Variants in TRPM2 observed in about 807,000 individuals in gnomAD.
The protein encoded by TRPM2 is estrogen-responsive element-associated gene 1 protein.
Under a neutral mutation model 174.0 loss-of-function variants are expected in TRPM2, and 161 were observed. That is an observed-to-expected ratio of 0.93 (90% CI 0.81 to 1.05). The LOEUF is 1.05. TRPM2 is among the 50% of genes least tolerant of loss of function. The probability of loss-of-function intolerance (pLI) is 0.00; values close to 1 mark genes in which losing one functional copy is unlikely to be tolerated. For synonymous variants in TRPM2, 954 were observed against 861.3 expected (o/e 1.11, Z -1.88); for missense variants, 2,057 against 2,038.0 (o/e 1.01, Z -0.18).
rs1305457866 is a variant in TRPM2 at position 44,354,327 on chromosome 21, GT to G, written c.166-320del. Among the ~76,000 whole-genome samples the G allele has an allele frequency of 6.6e-6, 1 of 152,164 alleles. No individual in the cohort carries two copies. The highest frequency in any genetic ancestry group is 1.5e-5 in the Non-Finnish European group (1 of 68,028). ...CTTTTTCCGATGGTGCAAGATCCAG[GT>G]CCCCAGATCCCCAGCCTCCACGTTT... On this transcript the variant is annotated intron_variant, in intron 1 of 31. Transcript: ENST00000397928. This position sits in a 1 kb window ranked among gnomAD's most constrained non-coding sequence, Gnocchi z 4.3.
At chr21:44,417,608 C>T (rs1168422573) in intron 20 of TRPM2, among the ~76,000 whole-genome samples, 2 of 115,942 alleles carry the variant, frequency 1.7e-5, no homozygotes, top group Non-Finnish European at 3.5e-5. Flanking sequence ...TGTGGCATCA[C>T]AGTGGGCACG....
At chr21:44,355,277 G>GTCT (rs201121392) in intron 2 of TRPM2, among the ~76,000 whole-genome samples, 59 of 151,834 alleles carry the variant, frequency 3.9e-4, no homozygotes, top group African/African-American at 1.3e-3. Context: ...CATGGCCACT[G>GTCT]TCTCTGAGTG....
upstream of TRPM2, chr21:44,353,440 C>T (rs751786946): frequency 2.2e-4 from 84 of 378,378 alleles, no homozygotes; most frequent in Non-Finnish European, 3.1e-4. Context: ...GCATGTACTC[C>T]CCCAGAGTGT....
intron 28 of TRPM2, 21 bp from the exon 29 acceptor site, chr21:44,437,041 C>T: frequency 6.5e-7 from 1 of 1,547,404 alleles, no homozygotes; most frequent in Non-Finnish European, 8.7e-7. Context: ...TCCTGGGCAG[C>T]CATGGCCGCT....
At chr21:44,393,284 C>T (rs1450117580) in intron 11 of TRPM2, among the ~76,000 whole-genome samples, 1 of 141,320 alleles carries the variant, frequency 7.1e-6, no homozygotes, top group Admixed American at 7.0e-5. Flanking sequence ...CAAAGCAAAG[C>T]ATCGATGCCT....
intron 2 of TRPM2, among the ~76,000 whole-genome samples, chr21:44,360,869 A>T (rs1314805147): frequency 6.7e-6 from 1 of 150,102 alleles, no homozygotes; most frequent in East Asian, 2.0e-4. Flanking sequence ...TCTTGGCCTT[A>T]TGTCATTTTT....
chr21:44,406,738 T>G lies in TRPM2; in HGVS notation c.2935T>G (p.Phe979Val). The G allele has an allele frequency of 1.2e-6, 2 of 1,607,052 alleles. No individual in the cohort carries two copies. ...CGTCTACCACTCCTACCTCACCATCTTCGGGCAGATCCCGGGCTACATCGA... is the reference window on the plus strand; with the variant it reads ...CGTCTACCACTCCTACCTCACCATCGTCGGGCAGATCCCGGGCTACATCGA... ...GAVYHSYLTIFGQIPGYIDGV... is the reference protein window; with the variant it reads ...GAVYHSYLTIVGQIPGYIDGV... Residue 979 changes from phenylalanine to valine, a missense_variant, in exon 19 of 32, where the codon TTC (phenylalanine) becomes GTC (valine). Physicochemically the swap from Phe to Val is conservative, Grantham distance 50 (BLOSUM62 -1). Transcript: ENST00000397928.
chr21:44,405,729 G>A (rs1327102905), intron 17 of TRPM2, among the ~76,000 whole-genome samples, 176 bp from the exon 18 acceptor site: 1 of 152,150 alleles, frequency 6.6e-6, no homozygotes, highest in Non-Finnish European at 1.5e-5. Context: ...AGAAAAGTGG[G>A]AGGCTCTATT....
chr21:44,429,284 T>C (rs543512437), intron 27 of TRPM2, among the ~76,000 whole-genome samples: 1,420 of 136,078 alleles, frequency 0.01, 28 homozygotes, highest in African/African-American at 0.038. Flanking sequence ...TTTTCTTTTT[T>C]TTTTTTTTTT....
chr21:44,439,255 C>A lies in TRPM2; in HGVS notation c.4269+87C>A. 7.9e-7 allele frequency: 1 copy of A among 1,267,696 alleles called. No individual in the cohort carries two copies. The allele number at this position is 1,267,696 out of a possible 1,614,324, so 78.5% of individuals were successfully genotyped here. A position where few individuals can be genotyped will look rare whatever the true frequency, so the allele number is the denominator to read the frequency against. The stretch of plus-strand genomic sequence containing the variant: ...GTGTGATACTGGGGACCTGCCCCAG[C>A]ACCACTGGGTGGCAGCGGTCCCACC... On this transcript the variant is annotated intron_variant, in intron 30 of 31. Coordinates refer to ENST00000397928, the MANE Select transcript of TRPM2 (RefSeq NM_003307.4). The surrounding 1 kb of genome is among the most constrained non-coding windows in gnomAD (Gnocchi z 5.1).
chr21:44,368,067 T>C (rs1328119172), intron 4 of TRPM2, among the ~76,000 whole-genome samples: 1 of 152,250 alleles, frequency 6.6e-6, no homozygotes, highest in Non-Finnish European at 1.5e-5. Context: ...CCAAAGCCAG[T>C]ACCACCTTTT....
rs747905803 is a variant in TRPM2, at chr21:44,397,803, C to T, written c.1989C>T (p.Ser663=). 1 of 1,607,276 alleles carries T rather than the reference C, an allele frequency of 6.2e-7. No homozygotes were observed. The highest frequency in any genetic ancestry group is 1.1e-5 in the South Asian group (1 of 89,672). The change falls in exon 13 of 32, where the codon TCC becomes TCT. Residue 663 remains serine (S), a synonymous_variant. Transcript: ENST00000397928. ...LACSKILKEL[S]KEEEDTDSSE... ...GCAGCAAGATCCTGAAGGAACTGTC[C>T]AAGGAGGAGGAGGACACGGACAGCT...
intron 19 of TRPM2, among the ~76,000 whole-genome samples, chr21:44,408,198 C>T (rs879558935): frequency 2.6e-5 from 4 of 152,050 alleles, no homozygotes; most frequent in Admixed American, 6.6e-5. Context: ...CCACCCGCCT[C>T]GGCCTCCCAA....
intron 19 of TRPM2, among the ~76,000 whole-genome samples, chr21:44,407,450 GTTTTTTT>G (rs71197896): frequency 3.5e-5 from 3 of 85,850 alleles, no homozygotes; most frequent in African/African-American, 4.8e-5. Context: ...CATATAGAAG[GTTTTTTT>G]TTTTTTTTTT....
intron 6 of TRPM2, among the ~76,000 whole-genome samples, chr21:44,377,258 C>T (rs746915313): frequency 6.6e-6 from 1 of 152,158 alleles, no homozygotes; most frequent in Non-Finnish European, 1.5e-5. Flanking sequence ...TGGGGCTGGG[C>T]GGATGGACAC....
At chr21:44,404,637 A>G (rs940883030) in intron 16 of TRPM2, among the ~76,000 whole-genome samples, 8 of 152,196 alleles carry the variant, frequency 5.3e-5, no homozygotes, top group South Asian at 4.1e-4. Flanking sequence ...TGATAGTGAC[A>G]GTGATGATAG....
rs141768349 is a variant in TRPM2, at chr21:44,405,933, C to A, written c.2686C>A (p.Arg896Ser). The A allele has an allele frequency of 1.6e-5, 26 of 1,606,290 alleles. 1 individual carries two copies. Among genetic ancestry groups the A allele is most frequent in the African/African-American group, 1.2e-4 (9 of 75,038 alleles). Residue 896 changes from arginine (R) to serine (S), a missense_variant, in exon 18 of 32, where the codon CGC becomes AGC. Physicochemically the swap from Arg to Ser is moderately radical, Grantham distance 110 (BLOSUM62 -1). Coordinates refer to ENST00000397928, the MANE Select transcript of TRPM2 (RefSeq NM_003307.4). Reference sequence around the variant, plus strand: ...CATCCCGGCGACGCTGTACCCCGGGCGCGTCATCCTCTCTCTGGACTTCAT... The same window carrying A: ...CATCCCGGCGACGCTGTACCCCGGGAGCGTCATCCTCTCTCTGGACTTCAT... ...RLIPATLYPG[R>S]VILSLDFILF...
chr21:44,363,624 A>G (rs2048277637), intron 2 of TRPM2, among the ~76,000 whole-genome samples: 1 of 152,212 alleles, frequency 6.6e-6, no homozygotes, highest in Non-Finnish European at 1.5e-5. Context: ...GGCTGCTTTA[A>G]AATCATTTTC....
intron 19 of TRPM2, among the ~76,000 whole-genome samples, chr21:44,411,912 T>A (rs2050119663): frequency 6.6e-6 from 1 of 152,234 alleles, no homozygotes; most frequent in Non-Finnish European, 1.5e-5. Flanking sequence ...GACCTTCGAA[T>A]GTTAAACCAA....
Sources: allele counts gnomAD v4.1 joint callset (sites outside exome capture counted in the v4.1 genomes callset), GRCh38; gene constraint gnomAD v4.1.1; non-coding constraint Gnocchi (gnomAD v3.1); transcripts MANE v1.5; gene names NCBI Gene and HGNC (gene_info 2026-07-23, HGNC 2026-07-21).